CTNNA3: variants seen among roughly 807,000 people sequenced by gnomAD.
The protein encoded by CTNNA3 is catenin alpha-3.
In CTNNA3, 76 loss-of-function variants were observed where a neutral mutation model predicts 95.7. The observed-to-expected ratio is 0.79, with a 90% confidence interval of 0.66 to 0.96. The LOEUF is 0.96. Ranked by LOEUF, CTNNA3 falls within the 40% of genes least tolerant of loss-of-function variation. The pLI is 0.00. For missense variants in CTNNA3, 1,191 were observed against 1,089.8 expected (o/e 1.09, Z -1.31); for synonymous variants, 431 against 374.4 (o/e 1.15, Z -1.74).
intron 7 of CTNNA3, among the ~76,000 whole-genome samples, chr10:66,891,098 A>G (rs1845251526): frequency 6.6e-6 from 1 of 152,182 alleles, no homozygotes; most frequent in Non-Finnish European, 1.5e-5. Flanking sequence ...AAATCTTAGG[A>G]CCAGATAAGA....
intron 5 of CTNNA3, among the ~76,000 whole-genome samples, chr10:67,237,789 A>C (rs1481134165): frequency 2.0e-5 from 3 of 152,216 alleles, no homozygotes; most frequent in Admixed American, 2.0e-4. Flanking sequence ...CTCTGAAAGC[A>C]ACAAGCTCAG....
chr10:66,192,596 T>A (rs2086738587), intron 13 of CTNNA3, among the ~76,000 whole-genome samples: 1 of 152,206 alleles, frequency 6.6e-6, no homozygotes. Flanking sequence ...TAACATGTGT[T>A]ACAAAAACCT....
chr10:67,563,254 AG>A (rs1485860104), intron 3 of CTNNA3, among the ~76,000 whole-genome samples: 1 of 152,208 alleles, frequency 6.6e-6, no homozygotes, highest in Non-Finnish European at 1.5e-5. Context: ...ACAAGGCTAC[AG>A]TAACCAAAAC....
chr10:66,637,354 A>C (rs1845370407), intron 9 of CTNNA3, among the ~76,000 whole-genome samples: 1 of 152,214 alleles, frequency 6.6e-6, no homozygotes, highest in African/African-American at 2.4e-5. Context: ...TGCTGCATTC[A>C]AGGTAGCTCC....
intron 2 of CTNNA3, among the ~76,000 whole-genome samples, chr10:67,613,976 T>C (rs1349537645): frequency 6.6e-6 from 1 of 152,200 alleles, no homozygotes; most frequent in Non-Finnish European, 1.5e-5. Flanking sequence ...CTCTTAAAGA[T>C]GGCATGGACC....
At chr10:66,773,933 A>T (rs1840193088) in intron 8 of CTNNA3, among the ~76,000 whole-genome samples, 1 of 152,192 alleles carries the variant, frequency 6.6e-6, no homozygotes, top group African/African-American at 2.4e-5. Flanking sequence ...TTTAAATATA[A>T]GTATGTACCA....
intron 13 of CTNNA3, among the ~76,000 whole-genome samples, chr10:66,253,359 T>C (rs1456677519): frequency 6.6e-6 from 1 of 152,144 alleles, no homozygotes; most frequent in African/African-American, 2.4e-5. Flanking sequence ...CTTTGTTTTC[T>C]CACCCTCCCT....
chr10:67,671,839 T>G (rs1840441192), intron 1 of CTNNA3, among the ~76,000 whole-genome samples: 1 of 152,064 alleles, frequency 6.6e-6, no homozygotes, highest in Non-Finnish European at 1.5e-5. Flanking sequence ...TGTGTCTTTA[T>G]AGCAGCATGA....
At chr10:67,725,812 G>A (rs186717516) in intron 1 of CTNNA3, among the ~76,000 whole-genome samples, 185 of 149,942 alleles carry the variant, frequency 1.2e-3, no homozygotes, top group African/African-American at 4.2e-3. Flanking sequence ...CCCCTTATTC[G>A]CCAAAATCTT....
rs1281394949 is a variant in CTNNA3, at chr10:66,823,785, G to A, written c.1048-48261C>T. Among the ~76,000 whole-genome samples the A allele has an allele frequency of 6.6e-5, 10 of 152,250 alleles. No individual in the cohort carries two copies. The South Asian group carries it at 2.1e-3, about 32-fold the overall frequency. ...AGTAGATATTATTACCTAAATTTAT[G>A]GATCAAAATAGCAAGGCTTAGGACA... On this transcript the variant is annotated intron_variant, in intron 7 of 17. Transcript: ENST00000433211.
intron 2 of CTNNA3, among the ~76,000 whole-genome samples, chr10:67,611,446 T>C (rs1843450712): frequency 6.6e-6 from 1 of 152,144 alleles, no homozygotes; most frequent in Admixed American, 6.6e-5. Context: ...CCCAAGTAGC[T>C]GGGACTACAG....
chr10:66,595,253 C>T (rs1843674104), intron 10 of CTNNA3, among the ~76,000 whole-genome samples: 1 of 152,016 alleles, frequency 6.6e-6, no homozygotes. Context: ...AAGAGAGACC[C>T]ATAAAAGATG....
In CTNNA3 at chr10:66,379,273, C is replaced by T. The variant is rs146900023; in HGVS notation, c.1611G>A (p.Ala537=). Residue 537 remains alanine (A), a synonymous_variant, in exon 12 of 18, where the codon GCG becomes GCA. Transcript: ENST00000433211. The part of the protein sequence containing the change: ...DQDADNLDRA[A]GAIRGRAARV... Reference sequence around the variant, plus strand: ...TTGCTGCCCGGCCTCTGATAGCACCCGCAGCACGGTCTAAATTATCAGCAT... The same window carrying T: ...TTGCTGCCCGGCCTCTGATAGCACCTGCAGCACGGTCTAAATTATCAGCAT... The T allele has an allele frequency of 1.9e-3, 3,089 of 1,614,098 alleles. 55 individuals carry two copies. The highest frequency in any genetic ancestry group is 0.012 in the East Asian group (539 of 44,872).
chr10:66,320,520 A>T (rs909163835), intron 12 of CTNNA3, among the ~76,000 whole-genome samples: 1 of 152,064 alleles, frequency 6.6e-6, no homozygotes, highest in African/African-American at 2.4e-5. Flanking sequence ...TGGTCACTTG[A>T]GTTATCTCCA....
chr10:66,991,785 T>C (rs1193958070), intron 7 of CTNNA3, among the ~76,000 whole-genome samples: 3 of 152,330 alleles, frequency 2.0e-5, no homozygotes, highest in South Asian at 2.1e-4. Flanking sequence ...ATATCACATG[T>C]AGGATATTTT....
At position 67,504,041 on chromosome 10, in the gene CTNNA3, C is replaced by T. The variant is rs550758784; in HGVS notation, c.579+17801G>A. 1.4e-4 allele frequency among the ~76,000 whole-genome samples: 21 copies of T among 151,404 alleles called. No homozygotes were observed. In the East Asian group the frequency reaches 4.1e-3, roughly 30 times the overall value. ...GCATGGTGGTGGGTGCCTGTAGTCC[C>T]AGCTACTTGGGAGGCTGAGGCAGGA... On this transcript the variant is annotated intron_variant, in intron 5 of 17. Transcript: ENST00000433211.
intron 9 of CTNNA3, among the ~76,000 whole-genome samples, chr10:66,660,668 A>C (rs1372600241): frequency 2.6e-5 from 4 of 152,182 alleles, no homozygotes; most frequent in African/African-American, 9.7e-5. Flanking sequence ...TCTTCTCCCT[A>C]GAATGATTTC....
chr10:66,728,573 T>C (rs1848850790), intron 9 of CTNNA3, among the ~76,000 whole-genome samples: 1 of 152,074 alleles, frequency 6.6e-6, no homozygotes, highest in African/African-American at 2.4e-5. Context: ...TTTTGGGTTT[T>C]TCATTTAAGT....
At chr10:66,648,099 A>G (rs1845768296) in intron 9 of CTNNA3, among the ~76,000 whole-genome samples, 1 of 152,020 alleles carries the variant, frequency 6.6e-6, no homozygotes, top group Non-Finnish European at 1.5e-5. Flanking sequence ...TTTCCATCCC[A>G]TTGGCCCTGC....
Sources: allele counts gnomAD v4.1 joint callset (sites outside exome capture counted in the v4.1 genomes callset), GRCh38; gene constraint gnomAD v4.1.1; transcripts MANE v1.5; gene names NCBI Gene and HGNC (gene_info 2026-07-23, HGNC 2026-07-21).